Variants in GRM7 observed in about 807,000 individuals in gnomAD.
The protein encoded by GRM7 is metabotropic glutamate receptor 7.
Under a neutral mutation model 84.5 loss-of-function variants are expected in GRM7, and 35 were observed. That is an observed-to-expected ratio of 0.41 (90% confidence interval 0.32 to 0.55). The LOEUF (loss-of-function observed/expected upper bound fraction) is 0.55, where lower values mean the gene tolerates loss of function less well. GRM7 is among the 20% of genes least tolerant of loss of function. The pLI is 0.19. For missense variants in GRM7, 1,003 were observed against 1,194.6 expected, an observed-to-expected ratio of 0.84 and a Z score of 2.36; for synonymous variants, 487 against 455.1, an observed-to-expected ratio of 1.07 and a Z score of -0.89.
At position 7,285,495 on chromosome 3, in the gene GRM7, C is replaced by T. The variant is rs148782778; in HGVS notation, c.737-13189C>T. Among the ~76,000 whole-genome samples the T allele has an allele frequency of 4.1e-4, 62 of 152,168 alleles. 1 individual carries two copies. The East Asian group carries it at 9.1e-3, about 22-fold the overall frequency. ...TAGTAAACCTCCCAAATTAGTGTGC[C>T]TTCTCTTTTGAGAGCGCAAAATGAT... On this transcript the variant is annotated intron_variant, in intron 2 of 9. Transcript: ENST00000357716.
Position 6,929,854 on chromosome 3 carries a change from TAGAG to T in GRM7, c.519+67950_519+67953del, listed in dbSNP as rs527351806. ...GCTGTCAGAATGTTTTAGGGGCTGA[TAGAG>T]AGTATATGCCCTGCCATGGATCTTT... On this transcript the variant is annotated intron_variant, in intron 1 of 9. Coordinates refer to ENST00000357716, the MANE Select transcript of GRM7 (RefSeq NM_000844.4). 1.5e-3 allele frequency among the ~76,000 whole-genome samples: 230 copies of T among 152,230 alleles called. 1 individual carries two copies. The highest frequency in any genetic ancestry group is 4.6e-3 in the African/African-American group (190 of 41,556).
intron 8 of GRM7, among the ~76,000 whole-genome samples, chr3:7,595,216 T>A (rs1695981605): frequency 6.6e-6 from 1 of 152,222 alleles, no homozygotes; most frequent in African/African-American, 2.4e-5. Context: ...GATAATGATA[T>A]GTGCTCTGAA....
chr3:6,978,069 T>C (rs1694065891), intron 1 of GRM7, among the ~76,000 whole-genome samples: 1 of 152,098 alleles, frequency 6.6e-6, no homozygotes, highest in Admixed American at 6.6e-5. Flanking sequence ...AATAGAGTTT[T>C]TGCAGAAATA....
At chr3:7,610,746 G>A (rs866703892) in intron 8 of GRM7, among the ~76,000 whole-genome samples, 9 of 152,140 alleles carry the variant, frequency 5.9e-5, no homozygotes, top group South Asian at 2.1e-4. Context: ...ACGGCCTCCC[G>A]ATAGTACCCA....
chr3:7,182,855 T>C (rs1403330855), intron 2 of GRM7, among the ~76,000 whole-genome samples: 3 of 151,892 alleles, frequency 2.0e-5, no homozygotes, highest in Non-Finnish European at 4.4e-5. Flanking sequence ...GAAGATTTTC[T>C]TGTGACCTTG....
chr3:7,496,190 C>G (rs1699695165), intron 7 of GRM7, among the ~76,000 whole-genome samples: 1 of 152,130 alleles, frequency 6.6e-6, no homozygotes, highest in Non-Finnish European at 1.5e-5. Context: ...AAGTATCTCT[C>G]CATAGACCAT....
intron 2 of GRM7, among the ~76,000 whole-genome samples, chr3:7,179,174 C>T (rs990138097): frequency 6.6e-6 from 1 of 152,112 alleles, no homozygotes; most frequent in Non-Finnish European, 1.5e-5. Context: ...TCACTTTGTG[C>T]AGAGATCTTT....
chr3:7,501,805 C>A (rs1699892729), intron 7 of GRM7, among the ~76,000 whole-genome samples: 1 of 152,114 alleles, frequency 6.6e-6, no homozygotes, highest in Non-Finnish European at 1.5e-5. Context: ...AGGCACTGTG[C>A]AATGCAATGG....
At chr3:7,190,439 C>A (rs1695672842) in intron 2 of GRM7, among the ~76,000 whole-genome samples, 1 of 152,102 alleles carries the variant, frequency 6.6e-6, no homozygotes, top group African/African-American at 2.4e-5. Flanking sequence ...TGGTTTTAGA[C>A]TCATGGGCTT....
rs77423617 is a variant in GRM7, at chr3:7,482,438, A to G, written c.1515+20716A>G. Among the ~76,000 whole-genome samples, 785 of 152,314 alleles carry G rather than the reference A, an allele frequency of 5.2e-3. 3 individuals carry two copies. The highest frequency in any genetic ancestry group is 8.1e-3 in the South Asian group (39 of 4,830). On this transcript the variant is annotated intron_variant, in intron 7 of 9. Coordinates refer to ENST00000357716, the MANE Select transcript of GRM7 (RefSeq NM_000844.4). The stretch of plus-strand genomic sequence containing the variant: ...ATATGTAGGTAACCATGTCCCATTA[A>G]GGTACCAGTAATTTAACTCTGGTGG...
At chr3:7,268,596 TC>T (rs1316326030) in intron 2 of GRM7, among the ~76,000 whole-genome samples, 1 of 152,188 alleles carries the variant, frequency 6.6e-6, no homozygotes, top group Non-Finnish European at 1.5e-5. Context: ...AACACCTCAT[TC>T]TGTTTTATTC....
intron 2 of GRM7, among the ~76,000 whole-genome samples, chr3:7,221,335 C>T (rs1169503368): frequency 1.3e-5 from 2 of 152,112 alleles, no homozygotes; most frequent in African/African-American, 4.8e-5. Context: ...TAGAGTTGAG[C>T]AGCTGTTCAG....
At chr3:6,921,706 T>C (rs1168121724) in intron 1 of GRM7, among the ~76,000 whole-genome samples, 1 of 152,120 alleles carries the variant, frequency 6.6e-6, no homozygotes, top group Non-Finnish European at 1.5e-5. Flanking sequence ...TGTTGAAGGT[T>C]CCTACCAAGG....
chr3:7,350,573 C>T (rs1693095634), intron 4 of GRM7, among the ~76,000 whole-genome samples: 1 of 152,068 alleles, frequency 6.6e-6, no homozygotes, highest in African/African-American at 2.4e-5. Flanking sequence ...GCCAATTAAA[C>T]CTCTTTTCTT....
chr3:7,496,255 C>G (rs115984858), intron 7 of GRM7, among the ~76,000 whole-genome samples: 336 of 152,226 alleles, frequency 2.2e-3, no homozygotes, highest in Non-Finnish European at 3.9e-3. Flanking sequence ...CCAACAACAT[C>G]TTGACTCAGT....
chr3:7,349,227 C>G (rs1693026049), intron 4 of GRM7, among the ~76,000 whole-genome samples: 1 of 152,038 alleles, frequency 6.6e-6, no homozygotes, highest in South Asian at 2.1e-4. Flanking sequence ...TTTGATTTTC[C>G]TCTTCATTTT....
intron 7 of GRM7, among the ~76,000 whole-genome samples, chr3:7,464,684 C>T (rs112786835): frequency 0.024 from 3,688 of 151,908 alleles, 110 homozygotes; most frequent in African/African-American, 0.067. Flanking sequence ...AAAAATTAGC[C>T]GGGCATGGTG....
chr3:7,093,506 C>G (rs1377082844), intron 1 of GRM7, among the ~76,000 whole-genome samples: 1 of 150,972 alleles, frequency 6.6e-6, no homozygotes, highest in African/African-American at 2.4e-5. Context: ...GGTGAAACCC[C>G]GTCTCTAATA....
intron 5 of GRM7, among the ~76,000 whole-genome samples, chr3:7,436,356 T>C (rs1438629554): frequency 6.6e-6 from 1 of 152,162 alleles, no homozygotes; most frequent in African/African-American, 2.4e-5. Flanking sequence ...ATAAACAGTT[T>C]AGGATTAGGG....
Sources: allele counts gnomAD v4.1 joint callset (sites outside exome capture counted in the v4.1 genomes callset), GRCh38; gene constraint gnomAD v4.1.1; transcripts MANE v1.5; gene names NCBI Gene and HGNC (gene_info 2026-07-23, HGNC 2026-07-21).